Variants in MCTP1 observed in about 807,000 individuals in gnomAD.
MCTP1 encodes multiple C2 and transmembrane domain containing 1.
In MCTP1, 69 loss-of-function variants were observed where a neutral mutation model predicts 120.6. That is an observed-to-expected ratio of 0.57 (90% CI 0.47 to 0.70). MCTP1 has a LOEUF of 0.70. MCTP1 is among the 30% of genes least tolerant of loss of function. The pLI is 0.00. For missense variants in MCTP1, 1,203 were observed against 1,248.8 expected (o/e 0.96, Z 0.55); for synonymous variants, 529 against 493.1 (o/e 1.07, Z -0.96).
intron 1 of MCTP1, among the ~76,000 whole-genome samples, chr5:95,209,203 T>C (rs375578600): frequency 6.6e-6 from 1 of 152,174 alleles, no homozygotes; most frequent in East Asian, 1.9e-4. Flanking sequence ...AGTAACTAAG[T>C]CAAAACATTG....
At chr5:94,943,738 A>AC (rs1202937669) in intron 3 of MCTP1, among the ~76,000 whole-genome samples, 1 of 152,104 alleles carries the variant, frequency 6.6e-6, no homozygotes, top group Non-Finnish European at 1.5e-5. Flanking sequence ...GAACGAAGAG[A>AC]AAGTAAGGAA....
intron 1 of MCTP1, among the ~76,000 whole-genome samples, chr5:95,213,927 G>A (rs2152572176): frequency 6.6e-6 from 1 of 152,200 alleles, no homozygotes; most frequent in Middle Eastern, 3.4e-3. Flanking sequence ...GAAAACCTAG[G>A]CATTACCATT....
At chr5:95,115,354 T>C (rs1448373934) in intron 1 of MCTP1, among the ~76,000 whole-genome samples, 3 of 152,026 alleles carry the variant, frequency 2.0e-5, no homozygotes, top group Non-Finnish European at 4.4e-5. Flanking sequence ...AAAATAGCTG[T>C]CTTGAGGAAA....
chr5:95,210,946 C>A (rs1752292125), intron 1 of MCTP1, among the ~76,000 whole-genome samples: 1 of 151,942 alleles, frequency 6.6e-6, no homozygotes, highest in Non-Finnish European at 1.5e-5. Context: ...CTTAGTTTGG[C>A]TGGATATGAA....
Position 95,068,849 on chromosome 5 carries a change from A to C in MCTP1, c.721-51365T>G, listed in dbSNP as rs148342478. On this transcript the variant is annotated intron_variant, in intron 1 of 22. Coordinates refer to ENST00000515393, the MANE Select transcript of MCTP1 (RefSeq NM_024717.7). ...CAGGGTCTGCCAAAGAAATTATAAA[A>C]ATTTTACGTAATATTGTACCTAGGG... The C allele has an allele frequency of 1.7e-3, 2,056 of 1,245,600 alleles. 25 individuals carry two copies. The African/African-American group carries it at 0.029, about 18-fold the overall frequency. 77.2% of individuals were successfully genotyped at this position (1,245,600 alleles called of 1,614,324 possible).
At chr5:95,121,941 A>C (rs1758274368) in intron 1 of MCTP1, among the ~76,000 whole-genome samples, 1 of 150,860 alleles carries the variant, frequency 6.6e-6, no homozygotes, top group Admixed American at 6.6e-5. Context: ...ATATGCAAAA[A>C]AAAAAAAAAA....
intron 2 of MCTP1, among the ~76,000 whole-genome samples, chr5:94,994,372 A>G (rs1321512650): frequency 6.6e-6 from 1 of 152,200 alleles, no homozygotes; most frequent in Non-Finnish European, 1.5e-5. Flanking sequence ...GGAATTCCAT[A>G]TAGCTGTGTT....
At chr5:95,211,099 C>G (rs1447129162) in intron 1 of MCTP1, among the ~76,000 whole-genome samples, 1 of 151,986 alleles carries the variant, frequency 6.6e-6, no homozygotes, top group Non-Finnish European at 1.5e-5. Context: ...TCTCTGGCTG[C>G]CCTTAACATT....
At chr5:95,003,575 C>T (rs1834121465) in intron 2 of MCTP1, among the ~76,000 whole-genome samples, 1 of 152,134 alleles carries the variant, frequency 6.6e-6, no homozygotes, top group African/African-American at 2.4e-5. Flanking sequence ...CTTTGGGTGT[C>T]AATGAGTGAT....
intron 19 of MCTP1, among the ~76,000 whole-genome samples, chr5:94,750,125 G>C (rs1325573431): frequency 6.6e-6 from 1 of 152,126 alleles, no homozygotes; most frequent in Non-Finnish European, 1.5e-5. Flanking sequence ...CCTTTCCCTA[G>C]ATCAGTGCTG....
chr5:95,147,406 T>C (rs1760494421), intron 1 of MCTP1, among the ~76,000 whole-genome samples: 1 of 152,206 alleles, frequency 6.6e-6, no homozygotes, highest in Non-Finnish European at 1.5e-5. Flanking sequence ...TATTTATTTA[T>C]GATAGTTACA....
At chr5:95,236,810 T>C (rs915842442) in intron 1 of MCTP1, among the ~76,000 whole-genome samples, 1 of 152,076 alleles carries the variant, frequency 6.6e-6, no homozygotes, top group Non-Finnish European at 1.5e-5. Flanking sequence ...CCTGTGACCA[T>C]AGAGGGAGAT....
chr5:95,239,516 T>C (rs1755927901), intron 1 of MCTP1, among the ~76,000 whole-genome samples: 1 of 152,192 alleles, frequency 6.6e-6, no homozygotes, highest in Non-Finnish European at 1.5e-5. Context: ...ATAAGACTTG[T>C]GAAAATCAAA....
At chr5:95,182,675 C>T (rs1219639075) in intron 1 of MCTP1, among the ~76,000 whole-genome samples, 2 of 151,964 alleles carry the variant, frequency 1.3e-5, no homozygotes, top group African/African-American at 4.8e-5. Context: ...GGAAAGCAAA[C>T]ATTGTATAAA....
intron 17 of MCTP1, among the ~76,000 whole-genome samples, chr5:94,865,267 G>GA (rs199646403): frequency 1.7e-4 from 25 of 144,884 alleles, no homozygotes; most frequent in African/African-American, 2.0e-4. Context: ...TAGGGATTAA[G>GA]AAAAAAAAAA....
chr5:94,980,144 A>T (rs1009173564), intron 2 of MCTP1, among the ~76,000 whole-genome samples: 6 of 152,196 alleles, frequency 3.9e-5, no homozygotes, highest in African/African-American at 1.4e-4. Context: ...ATTTAGTGAC[A>T]TTTAAAACAG....
intron 1 of MCTP1, among the ~76,000 whole-genome samples, chr5:95,255,316 T>A (rs1757768288): frequency 6.6e-6 from 1 of 152,198 alleles, no homozygotes; most frequent in South Asian, 2.1e-4. Context: ...AAATGATGGA[T>A]AAATGGAAAT....
intron 2 of MCTP1, among the ~76,000 whole-genome samples, chr5:94,993,103 AC>A (rs1359591391): frequency 6.6e-6 from 1 of 152,152 alleles, no homozygotes; most frequent in Non-Finnish European, 1.5e-5. Context: ...TTTTCAGATA[AC>A]TTTTTTTCAA....
intron 1 of MCTP1, among the ~76,000 whole-genome samples, chr5:95,147,261 T>C (rs1760479770): frequency 6.6e-6 from 1 of 152,092 alleles, no homozygotes; most frequent in Non-Finnish European, 1.5e-5. Context: ...AATTTTTTTG[T>C]ATTTTTAGTA....
Sources: allele counts gnomAD v4.1 joint callset (sites outside exome capture counted in the v4.1 genomes callset), GRCh38; gene constraint gnomAD v4.1.1; transcripts MANE v1.5; gene names NCBI Gene and HGNC (gene_info 2026-07-23, HGNC 2026-07-21).